The following MRTO4 variants were observed in gnomAD, a reference collection of about 807,000 sequenced individuals.
The protein encoded by MRTO4 is MRT4 homolog, ribosome maturation factor, also known as mRNA turnover protein 4 homolog.
A neutral mutation model predicts 28.6 loss-of-function variants in MRTO4; 7 were observed. That is an observed-to-expected ratio of 0.24 (90% confidence interval 0.14 to 0.46). The LOEUF (loss-of-function observed/expected upper bound fraction) is 0.46, where lower values mean the gene tolerates loss of function less well. MRTO4 is among the 20% of genes least tolerant of loss of function. The pLI is 0.99. For missense variants in MRTO4, 302 were observed against 298.3 expected (o/e 1.01, Z -0.09); for synonymous variants, 113 against 108.2 (o/e 1.04, Z -0.27).
chr1:19,251,987 C>G (rs1255779382), intron 1 of MRTO4, 124 bp downstream of exon 1: 1 of 1,334,272 alleles, frequency 7.5e-7, no homozygotes, highest in African/African-American at 1.5e-5. Flanking sequence ...AGGTGTTCCG[C>G]TGCCTCGCTG....
At position 19,257,233 on chromosome 1, in the gene MRTO4, G is replaced by T. The variant is rs1241103549; in HGVS notation, c.273+88G>T. 4.9e-6 allele frequency: 7 copies of T among 1,430,760 alleles called. No individual in the cohort carries two copies. In the Admixed American group the frequency reaches 1.3e-4, roughly 26 times the overall value. 88.6% of individuals were successfully genotyped at this position (1,430,760 alleles called of 1,614,324 possible). A position where few individuals can be genotyped will look rare whatever the true frequency, so the allele number is the denominator to read the frequency against. ...ATGTGACAGCCTCCCCCAGCCATTG[G>T]CAGGCCGGAGGCTCAGGGAGAGCAG... On this transcript the variant is annotated intron_variant, in intron 4 of 7. Coordinates refer to ENST00000330263, the MANE Select transcript of MRTO4 (RefSeq NM_016183.4).
intron 4 of MRTO4, 122 bp downstream of exon 4, chr1:19,257,267 T>C: frequency 8.0e-7 from 1 of 1,248,420 alleles, no homozygotes; most frequent in Non-Finnish European, 1.2e-6. Context: ...AGGGCCTGGC[T>C]TAAAGCTCTG....
At chr1:19,255,715 A>C (rs1220250165) in intron 2 of MRTO4, among the ~76,000 whole-genome samples, 1 of 152,126 alleles carries the variant, frequency 6.6e-6, no homozygotes, top group Non-Finnish European at 1.5e-5. Flanking sequence ...GGTCATAAAT[A>C]AGTGAGAGAC....
rs2093669012 is a variant in MRTO4 at position 19,254,768 on chromosome 1, T to C, written c.29-14T>C. 1 of 1,605,260 alleles carries C rather than the reference T, an allele frequency of 6.2e-7. No individual in the cohort carries two copies. Among genetic ancestry groups the C allele is most frequent in the African/African-American group, 1.3e-5 (1 of 74,684 alleles). On this transcript the variant is annotated splice_polypyrimidine_tract_variant and intron_variant, in intron 1 of 7. Transcript: ENST00000330263. ...TTGGTCTCTCATCATCTCTCTCCTTTTTGTTTTTATTAGTCTCCTTAACCA... is the reference window on the plus strand; with the variant it reads ...TTGGTCTCTCATCATCTCTCTCCTTCTTGTTTTTATTAGTCTCCTTAACCA...
rs371062022 is a variant in MRTO4, at chr1:19,256,011, A to C, written c.151A>C (p.Ser51Arg). 1.6e-5 allele frequency: 26 copies of C among 1,614,032 alleles called. No homozygotes were observed. The highest frequency in any genetic ancestry group is 2.0e-5 in the Non-Finnish European group (24 of 1,180,028). ...FIFSVANMRNSKLKDIRNAWK... is the reference protein window; with the variant it reads ...FIFSVANMRNRKLKDIRNAWK... ...CTTCTCTGTGGCCAACATGAGGAACAGCAAGCTGAAGGACATCCGGAACGC... is the reference window on the plus strand; with the variant it reads ...CTTCTCTGTGGCCAACATGAGGAACCGCAAGCTGAAGGACATCCGGAACGC... Residue 51 changes from serine (S) to arginine (R), a missense_variant, in exon 3 of 8, where the codon AGC becomes CGC. By Grantham distance (110) the Ser-to-Arg change is moderately radical. Transcript: ENST00000330263.
chr1:19,254,424 C>T (rs2093668576), intron 1 of MRTO4, among the ~76,000 whole-genome samples: 2 of 151,888 alleles, frequency 1.3e-5, no homozygotes, highest in African/African-American at 4.8e-5. Context: ...CAGGGGCCTG[C>T]CTCAGCCAGC....
chr1:19,257,610 C>A, intron 5 of MRTO4, 89 bp downstream of exon 5: 1 of 1,531,708 alleles, frequency 6.5e-7, no homozygotes, highest in Non-Finnish European at 9.0e-7. Context: ...CCATATGTGG[C>A]ATCAAGTTGG....
chr1:19,252,887 C>G (rs1264364766), intron 1 of MRTO4, among the ~76,000 whole-genome samples: 1 of 152,078 alleles, frequency 6.6e-6, no homozygotes, highest in Non-Finnish European at 1.5e-5. Flanking sequence ...ACCTGGGCTC[C>G]AACCACCCTC....
At chr1:19,251,962 G>A (rs1314849233) in intron 1 of MRTO4, 99 bp downstream of exon 1, 8 of 1,473,904 alleles carry the variant, frequency 5.4e-6, no homozygotes, top group African/African-American at 4.2e-5. Flanking sequence ...AGATTGGAAC[G>A]CCAGGACATC....
In MRTO4 at chr1:19,251,845, T is replaced by G; in HGVS notation, c.10T>G (p.Ser4Ala). ...ACGTGGATTCAGCGCGATGCCCAAATCCAAGCGCGACAAGAAAGGTGGGCG... is the reference window on the plus strand; with the variant it reads ...ACGTGGATTCAGCGCGATGCCCAAAGCCAAGCGCGACAAGAAAGGTGGGCG... MPK[S>A]KRDKKVSLTK... Residue 4 changes from serine to alanine, a missense_variant, in exon 1 of 8, where the codon TCC becomes GCC. Physicochemically the swap from Ser to Ala is moderately conservative, Grantham distance 99 (BLOSUM62 1). Coordinates refer to ENST00000330263, the MANE Select transcript of MRTO4 (RefSeq NM_016183.4). The G allele has an allele frequency of 6.3e-7, 1 of 1,589,192 alleles. No individual in the cohort carries two copies. The highest frequency in any genetic ancestry group is 8.6e-7 in the Non-Finnish European group (1 of 1,168,644).
chr1:19,252,679 C>G (rs551990888), intron 1 of MRTO4, among the ~76,000 whole-genome samples: 2 of 152,126 alleles, frequency 1.3e-5, no homozygotes, highest in East Asian at 3.9e-4. Context: ...AGCCTGGGCA[C>G]GACAGAGCGA....
chr1:19,255,350 A>C (rs1049875791), intron 2 of MRTO4, among the ~76,000 whole-genome samples: 9 of 151,908 alleles, frequency 5.9e-5, no homozygotes, highest in East Asian at 1.9e-4. Context: ...AGAAAAAAAA[A>C]CTAGCTGGAC....
intron 1 of MRTO4, chr1:19,252,257 C>T (rs771683794): frequency 5.2e-5 from 14 of 267,280 alleles, no homozygotes; most frequent in Non-Finnish European, 1.0e-4. Context: ...AGGTTTGTTC[C>T]CGTGTCTGGC....
chr1:19,258,646 T>C, intron 7 of MRTO4, 35 bp from the exon 8 acceptor site: 1 of 1,614,090 alleles, frequency 6.2e-7, no homozygotes, highest in Non-Finnish European at 8.5e-7. Flanking sequence ...ATACCTTCAT[T>C]CCTCCTGATT....
At chr1:19,257,549 A>C in intron 5 of MRTO4, 28 bp downstream of exon 5, 1 of 1,613,244 alleles carries the variant, frequency 6.2e-7, no homozygotes. Context: ...ACGGAGGGAA[A>C]GAGGCGGGTG....
rs1447998916 is a variant in MRTO4 at position 19,259,372 on chromosome 1, A to T, written c.*542A>T. The T allele has an allele frequency of 6.6e-6, 1 of 152,258 alleles. No individual in the cohort carries two copies. Among genetic ancestry groups the T allele is most frequent in the African/African-American group, 2.4e-5 (1 of 41,414 alleles). 9.4% of individuals were successfully genotyped at this position (152,258 alleles called of 1,614,324 possible). On this transcript the variant is annotated 3_prime_UTR_variant, in exon 8 of 8. Transcript: ENST00000330263. ...GAAAAGAGGCCTTTGGTGAGCCCAG[A>T]AGTTTGAAACCAGCCTGGGCAATTC...
chr1:19,257,491 T>C lies in MRTO4; in HGVS notation c.311T>C (p.Phe104Ser), dbSNP rs375190321. 1.1e-5 allele frequency: 18 copies of C among 1,614,096 alleles called. No individual in the cohort carries two copies. The African/African-American group carries it at 1.3e-4, about 12-fold the overall frequency. The change falls in exon 5 of 8, where the codon TTC becomes TCC. Residue 104 changes from phenylalanine to serine, a missense_variant. Physicochemically the swap from Phe to Ser is radical, Grantham distance 155. Coordinates refer to ENST00000330263, the MANE Select transcript of MRTO4 (RefSeq NM_016183.4). The stretch of plus-strand genomic sequence containing the variant: ...TTGAGGGGTGAGGTGGGTCTCCTGT[T>C]CACCAACCGCACAAAGGAGGAGGTG... ...KRLRGEVGLL[F>S]TNRTKEEVNE... is the part of the protein sequence containing the mutation.
Position 19,252,177 on chromosome 1 carries a change from T to C in MRTO4, c.28+314T>C, listed in dbSNP as rs1569588221. 1.6e-5 allele frequency: 7 copies of C among 428,598 alleles called. No individual in the cohort carries two copies. In the East Asian group the frequency reaches 2.5e-4, roughly 15 times the overall value. The allele number at this position is 428,598 out of a possible 1,614,324, so 26.5% of individuals were successfully genotyped here. On this transcript the variant is annotated intron_variant, in intron 1 of 7. Coordinates refer to ENST00000330263, the MANE Select transcript of MRTO4 (RefSeq NM_016183.4). Reference sequence around the variant, plus strand: ...GCCTGCTGCCGTTTCGGCCCACTTTTCCCAACTTCGGCCCTTTCTCATCTT... The same window carrying C: ...GCCTGCTGCCGTTTCGGCCCACTTTCCCCAACTTCGGCCCTTTCTCATCTT...
At position 19,257,833 on chromosome 1, in the gene MRTO4, G is replaced by A. The variant is rs200652137; in HGVS notation, c.342G>A (p.Glu114=). Residue 114 remains glutamate, a splice_region_variant and synonymous_variant, in exon 6 of 8, where the codon GAG becomes GAA. Coordinates refer to ENST00000330263, the MANE Select transcript of MRTO4 (RefSeq NM_016183.4). ...TCCTACCACTTCTCTTTTCCCTTAG[G>A]TGGTTCACGAAATACACAGAAATGG... ...FTNRTKEEVN[E]WFTKYTEMDY... is the part of the protein sequence containing the mutation. 1.9e-4 allele frequency: 299 copies of A among 1,612,606 alleles called. 2 individuals are homozygous for A. In the East Asian group the frequency reaches 6.5e-3, roughly 35 times the overall value.
Sources: gnomAD v4.1 joint callset for allele counts (sites outside exome capture counted in the v4.1 genomes callset) on GRCh38, gnomAD v4.1.1 for gene constraint, MANE v1.5 for transcripts, NCBI Gene and HGNC (gene_info 2026-07-23, HGNC 2026-07-21) for gene names.